RNF220: variants seen among roughly 807,000 people sequenced by gnomAD.
RNF220 encodes the protein E3 ubiquitin-protein ligase RNF220.
In RNF220, 7 loss-of-function variants were observed where a neutral mutation model predicts 67.1. The observed-to-expected ratio is 0.10, with a 90% CI of 0.06 to 0.20. The LOEUF is 0.20. Ranked by LOEUF, RNF220 falls within the 10% of genes least tolerant of loss-of-function variation. The pLI, the probability that RNF220 is intolerant of heterozygous loss-of-function variation, is 1.00. For missense variants in RNF220, 565 were observed against 740.3 expected (o/e 0.76, Z 2.75); for synonymous variants, 270 against 283.2 (o/e 0.95, Z 0.47).
intron 2 of RNF220, among the ~76,000 whole-genome samples, chr1:44,562,842 T>A (rs1319781228): frequency 6.6e-6 from 1 of 152,164 alleles, no homozygotes; most frequent in East Asian, 1.9e-4. Context: ...CCCCGAAGTG[T>A]CCTCTTCCAT....
At chr1:44,528,333 C>T (rs558630185) in intron 2 of RNF220, among the ~76,000 whole-genome samples, 4 of 151,536 alleles carry the variant, frequency 2.6e-5, no homozygotes, top group African/African-American at 9.7e-5. Context: ...CGGAGTCTCA[C>T]TCTGTCACCC....
chr1:44,585,385 G>A (rs368682888), intron 2 of RNF220, among the ~76,000 whole-genome samples: 1 of 152,080 alleles, frequency 6.6e-6, no homozygotes, highest in Non-Finnish European at 1.5e-5. Flanking sequence ...CTAAGACAAC[G>A]GCAATCCCTC....
chr1:44,641,159 T>C (rs762956294), intron 8 of RNF220, among the ~76,000 whole-genome samples: 1 of 152,188 alleles, frequency 6.6e-6, no homozygotes, highest in Non-Finnish European at 1.5e-5. Context: ...TCTCCCTCTT[T>C]GTTGCTCAGT....
chr1:44,415,628 T>G (rs1006290183), intron 2 of RNF220, among the ~76,000 whole-genome samples: 1 of 152,178 alleles, frequency 6.6e-6, no homozygotes, highest in Non-Finnish European at 1.5e-5. Flanking sequence ...TCATAAAATA[T>G]TTTTTAAATG....
chr1:44,535,135 CTTTTTTTTT>C (rs903715852), intron 2 of RNF220, among the ~76,000 whole-genome samples: 38 of 102,994 alleles, frequency 3.7e-4, no homozygotes, highest in Admixed American at 2.2e-3. Flanking sequence ...GCAGCTTCTT[CTTTTTTTTT>C]TTTTTTTTTT....
chr1:44,502,754 A>G (rs1286718861), intron 2 of RNF220, among the ~76,000 whole-genome samples: 2 of 151,908 alleles, frequency 1.3e-5, no homozygotes, highest in Non-Finnish European at 2.9e-5. Context: ...GTGAATTATT[A>G]TTATTATTAT....
chr1:44,487,419 G>C (rs933727348), intron 2 of RNF220, among the ~76,000 whole-genome samples: 6 of 151,322 alleles, frequency 4.0e-5, no homozygotes, highest in African/African-American at 1.2e-4. Context: ...CAGAAGTAAG[G>C]ACTATACCCT....
chr1:44,493,476 T>G (rs533532289), intron 2 of RNF220, among the ~76,000 whole-genome samples: 28 of 152,188 alleles, frequency 1.8e-4, no homozygotes, highest in African/African-American at 6.7e-4. Flanking sequence ...ATCGTGCCAT[T>G]GCACTCTAGC....
intron 5 of RNF220, 58 bp from the exon 6 acceptor site, chr1:44,632,285 C>T: frequency 6.2e-7 from 1 of 1,613,820 alleles, no homozygotes; most frequent in Non-Finnish European, 8.5e-7. Context: ...GCCAGGACTG[C>T]AGGCCGCGCC....
intron 2 of RNF220, among the ~76,000 whole-genome samples, chr1:44,568,250 G>A (rs1402515068): frequency 1.3e-5 from 2 of 152,130 alleles, no homozygotes; most frequent in South Asian, 2.1e-4. Flanking sequence ...TGCCAGTTCT[G>A]CCTCCCTCAG....
chr1:44,532,493 T>G (rs1483249433), intron 2 of RNF220, among the ~76,000 whole-genome samples: 1 of 152,232 alleles, frequency 6.6e-6, no homozygotes, highest in Non-Finnish European at 1.5e-5. Context: ...GTTTATTCCT[T>G]ATTAAAACTG....
At chr1:44,582,904 G>A (rs766576835) in intron 2 of RNF220, among the ~76,000 whole-genome samples, 17 of 152,106 alleles carry the variant, frequency 1.1e-4, no homozygotes, top group Non-Finnish European at 2.2e-4. Flanking sequence ...TATTCAGGAG[G>A]CTGAGACAGG....
At chr1:44,604,873 A>G (rs1346928131) in intron 2 of RNF220, among the ~76,000 whole-genome samples, 1 of 152,238 alleles carries the variant, frequency 6.6e-6, no homozygotes, top group Non-Finnish European at 1.5e-5. Context: ...GGGAGAAGGA[A>G]AGATGGCAAG....
intron 2 of RNF220, among the ~76,000 whole-genome samples, chr1:44,595,259 G>T (rs1052585536): frequency 6.6e-6 from 1 of 152,196 alleles, no homozygotes; most frequent in Non-Finnish European, 1.5e-5. Context: ...CCAACACCTC[G>T]GCCGGCTCCG....
chr1:44,597,197 T>C (rs1012068672), intron 2 of RNF220, among the ~76,000 whole-genome samples: 1 of 152,164 alleles, frequency 6.6e-6, no homozygotes, highest in Non-Finnish European at 1.5e-5. Context: ...GCAAGTATAA[T>C]TATTATCTTC....
At chr1:44,430,828 A>G (rs1650288642) in intron 2 of RNF220, among the ~76,000 whole-genome samples, 1 of 152,238 alleles carries the variant, frequency 6.6e-6, no homozygotes, top group African/African-American at 2.4e-5. Context: ...TACAGGCGTG[A>G]GCCACCACGC....
intron 2 of RNF220, among the ~76,000 whole-genome samples, chr1:44,499,667 TA>T (rs1338417127): frequency 1.3e-5 from 2 of 151,086 alleles, no homozygotes; most frequent in African/African-American, 4.9e-5. Context: ...CAGGGCTTCA[TA>T]CCAGCTCCAT....
chr1:44,492,637 T>A (rs1033580574), intron 2 of RNF220, among the ~76,000 whole-genome samples: 5 of 152,200 alleles, frequency 3.3e-5, no homozygotes, highest in Non-Finnish European at 7.3e-5. Flanking sequence ...GTTGAATACA[T>A]CATGCTAATT....
intron 2 of RNF220, among the ~76,000 whole-genome samples, chr1:44,543,485 T>A (rs891084178): frequency 4.6e-5 from 7 of 152,004 alleles, no homozygotes; most frequent in African/African-American, 1.5e-4. Context: ...GGACATGACA[T>A]GACAAATTGG....
Sources: gnomAD v4.1 joint callset for allele counts (sites outside exome capture counted in the v4.1 genomes callset) on GRCh38, gnomAD v4.1.1 for gene constraint, MANE v1.5 for transcripts, NCBI Gene and HGNC (gene_info 2026-07-23, HGNC 2026-07-21) for gene names.